Variants in RASSF2 observed in about 807,000 individuals in gnomAD.
RASSF2 encodes the protein Ras association domain family member 2.
Under a neutral mutation model 46.3 loss-of-function variants are expected in RASSF2, and 34 were observed. The observed-to-expected ratio is 0.73, with a 90% CI of 0.56 to 0.98. The LOEUF is 0.98. RASSF2 is among the 50% of genes least tolerant of loss of function. The pLI is 0.00. For missense variants in RASSF2, 364 were observed against 431.2 expected, an observed-to-expected ratio of 0.84 and a Z score of 1.38; for synonymous variants, 158 against 162.5, an observed-to-expected ratio of 0.97 and a Z score of 0.21.
intron 3 of RASSF2, among the ~76,000 whole-genome samples, chr20:4,798,510 A>C (rs1214669321): frequency 6.6e-6 from 1 of 152,174 alleles, no homozygotes; most frequent in African/African-American, 2.4e-5. Flanking sequence ...AGGAAAGGAC[A>C]ATAATGATAG....
At chr20:4,786,670 C>G (rs1416204073) in intron 10 of RASSF2, among the ~76,000 whole-genome samples, 1 of 152,152 alleles carries the variant, frequency 6.6e-6, no homozygotes, top group Non-Finnish European at 1.5e-5. Context: ...CCTTTGTTCT[C>G]CCCTAAGAGA....
Position 4,780,877 on chromosome 20 carries a change from G to T in RASSF2, c.*3396C>A, listed in dbSNP as rs1924743086. On this transcript the variant is annotated 3_prime_UTR_variant, in exon 12 of 12. Coordinates refer to ENST00000379400, the MANE Select transcript of RASSF2 (RefSeq NM_014737.3). ...CCAGCTACTTGGGAGGCTGAGACAG[G>T]AGAATCACTTGAACCCCAGAGGCGG... 1 of 151,802 alleles carries T rather than the reference G, an allele frequency of 6.6e-6. No homozygotes were observed. The highest frequency in any genetic ancestry group is 1.5e-5 in the Non-Finnish European group (1 of 68,028). The allele number at this position is 151,802 out of a possible 1,614,324, so 9.4% of individuals were successfully genotyped here. A position where few individuals can be genotyped will look rare whatever the true frequency, so the allele number is the denominator to read the frequency against.
rs1926507019 is a variant in RASSF2 at position 4,798,088 on chromosome 20, T to C, written c.60-3A>G. 1 of 1,613,702 alleles carries C rather than the reference T, an allele frequency of 6.2e-7. No individual in the cohort carries two copies. The highest frequency in any genetic ancestry group is 8.5e-7 in the Non-Finnish European group (1 of 1,179,686). On this transcript the variant is annotated splice_polypyrimidine_tract_variant and splice_region_variant and intron_variant, in intron 3 of 11. Coordinates refer to ENST00000379400, the MANE Select transcript of RASSF2 (RefSeq NM_014737.3). ...TCAGATGCAAGAGAAGTTCATTTCT[T>C]AGGGGGAAAAATAGAAGAGATATAA...
intron 2 of RASSF2, among the ~76,000 whole-genome samples, chr20:4,802,826 T>C (rs919912409): frequency 6.6e-6 from 1 of 151,518 alleles, no homozygotes; most frequent in Non-Finnish European, 1.5e-5. Context: ...ATGGTTAAGA[T>C]GGTAAATTTT....
chr20:4,786,069 G>A (rs564752835), intron 11 of RASSF2, among the ~76,000 whole-genome samples, 162 bp downstream of exon 11: 8 of 152,248 alleles, frequency 5.3e-5, no homozygotes, highest in Admixed American at 2.6e-4. Context: ...TAACTGTCAC[G>A]TCCTCACTTG....
At chr20:4,809,618 A>C (rs1217286647) in intron 2 of RASSF2, among the ~76,000 whole-genome samples, 1 of 152,136 alleles carries the variant, frequency 6.6e-6, no homozygotes, top group African/African-American at 2.4e-5. Flanking sequence ...TGCTTCCAGG[A>C]AGGGGATGGG....
At chr20:4,810,629 C>T (rs1007914911) in intron 2 of RASSF2, among the ~76,000 whole-genome samples, 21 of 152,168 alleles carry the variant, frequency 1.4e-4, no homozygotes, top group Admixed American at 1.0e-3. Context: ...GGAGGGGCAG[C>T]CCTGGCAGGA....
At chr20:4,802,002 A>C (rs1293144473) in intron 2 of RASSF2, among the ~76,000 whole-genome samples, 1 of 151,928 alleles carries the variant, frequency 6.6e-6, no homozygotes, top group African/African-American at 2.4e-5. Flanking sequence ...AGCCTCCCAA[A>C]GTGCTGGGAT....
intron 11 of RASSF2, among the ~76,000 whole-genome samples, chr20:4,785,303 C>T (rs755579557): frequency 5.9e-5 from 9 of 152,144 alleles, no homozygotes; most frequent in Non-Finnish European, 8.8e-5. Flanking sequence ...CGCATCTCTG[C>T]ACTCCAGCCT....
chr20:4,804,060 T>C (rs1359296205), intron 2 of RASSF2, among the ~76,000 whole-genome samples: 1 of 151,812 alleles, frequency 6.6e-6, no homozygotes, highest in East Asian at 1.9e-4. Context: ...CATCTCAAAA[T>C]AAATTCATTA....
intron 1 of RASSF2, among the ~76,000 whole-genome samples, chr20:4,823,256 G>C (rs1076056): frequency 0.51 from 77,200 of 152,036 alleles, 21,497 homozygotes; most frequent in East Asian, 0.83. Flanking sequence ...ACCTTGCGCC[G>C]GGCATCCCGC....
chr20:4,818,469 G>A (rs1928470670), intron 2 of RASSF2, among the ~76,000 whole-genome samples: 2 of 152,142 alleles, frequency 1.3e-5, no homozygotes, highest in African/African-American at 4.8e-5. Flanking sequence ...GTCATGGCCC[G>A]ATGTGTGCTG....
chr20:4,797,736 G>T (rs1926468435), intron 4 of RASSF2, among the ~76,000 whole-genome samples: 1 of 152,106 alleles, frequency 6.6e-6, no homozygotes, highest in Admixed American at 6.6e-5. Context: ...TTTCATGAAA[G>T]CTCCCTCTGG....
At chr20:4,797,802 T>C (rs892181851) in intron 4 of RASSF2, among the ~76,000 whole-genome samples, 2 of 152,222 alleles carry the variant, frequency 1.3e-5, no homozygotes, top group African/African-American at 4.8e-5. Flanking sequence ...GGAATGTCTC[T>C]GGAACACATC....
At chr20:4,792,486 G>T in intron 6 of RASSF2, 53 bp downstream of exon 6, 7 of 1,610,624 alleles carry the variant, frequency 4.3e-6, no homozygotes, top group Non-Finnish European at 5.1e-6. Context: ...ATCTATCACA[G>T]CGGTCTTCAC....
chr20:4,814,573 G>A (rs1226661653), intron 2 of RASSF2, among the ~76,000 whole-genome samples: 1 of 152,176 alleles, frequency 6.6e-6, no homozygotes, highest in African/African-American at 2.4e-5. Flanking sequence ...CCAGACCCCG[G>A]CAGGTTCCTT....
intron 2 of RASSF2, among the ~76,000 whole-genome samples, chr20:4,817,689 C>T (rs955064258): frequency 2.6e-5 from 4 of 152,136 alleles, no homozygotes; most frequent in African/African-American, 9.7e-5. Flanking sequence ...TGAGGTGACA[C>T]TGATATACAA....
chr20:4,798,225 T>A, intron 3 of RASSF2, 140 bp from the exon 4 acceptor site: 1 of 1,348,658 alleles, frequency 7.4e-7, no homozygotes, highest in South Asian at 1.4e-5. Context: ...TACACACACA[T>A]GCACATGCAC....
chr20:4,792,429 GA>G, intron 6 of RASSF2, 109 bp downstream of exon 6: 1 of 1,546,494 alleles, frequency 6.5e-7, no homozygotes, highest in Non-Finnish European at 8.7e-7. Context: ...TTTGTATCTT[GA>G]ACCATATACA....
Sources: gnomAD v4.1 joint callset for allele counts (sites outside exome capture counted in the v4.1 genomes callset) on GRCh38, gnomAD v4.1.1 for gene constraint, MANE v1.5 for transcripts, NCBI Gene and HGNC (gene_info 2026-07-23, HGNC 2026-07-21) for gene names.